PRKCZ: variants seen among roughly 807,000 people sequenced by gnomAD.
The protein encoded by PRKCZ is protein kinase C zeta, also known as protein kinase C zeta type.
Under a neutral mutation model 79.5 loss-of-function variants are expected in PRKCZ, and 33 were observed. The observed-to-expected ratio is 0.41, with a 90% CI of 0.31 to 0.55. The LOEUF (loss-of-function observed/expected upper bound fraction) is 0.55, where lower values mean the gene tolerates loss of function less well. PRKCZ is among the 20% of genes least tolerant of loss of function. The pLI is 0.19. For missense variants in PRKCZ, 578 were observed against 813.5 expected, an observed-to-expected ratio of 0.71 and a Z score of 3.52; for synonymous variants, 342 against 320.9, an observed-to-expected ratio of 1.07 and a Z score of -0.70.
At chr1:2,053,709 G>T (rs765770488) in intron 1 of PRKCZ, among the ~76,000 whole-genome samples, 6 of 152,162 alleles carry the variant, frequency 3.9e-5, no homozygotes, top group Admixed American at 3.9e-4. Context: ...GGCAGGAAGA[G>T]GTCAAAGGTG....
chr1:2,135,059 G>C, intron 4 of PRKCZ: 1 of 482,808 alleles, frequency 2.1e-6, no homozygotes, highest in South Asian at 2.4e-5. Context: ...GTCTCCAGCC[G>C]CCGAGGCCGT....
At chr1:2,164,304 C>T (rs1245865280) in intron 10 of PRKCZ, among the ~76,000 whole-genome samples, 1 of 152,070 alleles carries the variant, frequency 6.6e-6, no homozygotes, top group Non-Finnish European at 1.5e-5. Context: ...AGACAGGGAC[C>T]CTTTATTGGG....
intron 4 of PRKCZ, among the ~76,000 whole-genome samples, chr1:2,093,065 CA>C (rs112019100): frequency 0.037 from 5,641 of 152,306 alleles, 348 homozygotes; most frequent in African/African-American, 0.12. Flanking sequence ...ACAGAGATGC[CA>C]ATGTGATGGG....
chr1:2,185,248 G>A lies in PRKCZ; in HGVS notation c.*239G>A, dbSNP rs374934151. ...CTTGCTGCTGTGCCTGCGTCGCGGCGGATCCGCGGGGACCCTGCCGAGGGG... is the reference window on the plus strand; with the variant it reads ...CTTGCTGCTGTGCCTGCGTCGCGGCAGATCCGCGGGGACCCTGCCGAGGGG... On this transcript the variant is annotated 3_prime_UTR_variant, in exon 18 of 18. Coordinates refer to ENST00000378567, the MANE Select transcript of PRKCZ (RefSeq NM_002744.6). The A allele has an allele frequency of 1.1e-5, 8 of 711,824 alleles. No individual in the cohort carries two copies. The highest frequency in any genetic ancestry group is 3.5e-5 in the African/African-American group (2 of 57,232). 44.1% of individuals were successfully genotyped at this position (711,824 alleles called of 1,614,324 possible).
At chr1:2,105,852 G>T (rs1490118398) in intron 4 of PRKCZ, among the ~76,000 whole-genome samples, 1 of 152,222 alleles carries the variant, frequency 6.6e-6, no homozygotes, top group African/African-American at 2.4e-5. Context: ...ACACATAGTT[G>T]TCATCGTCGG....
intron 4 of PRKCZ, 98 bp downstream of exon 4, chr1:2,059,689 T>G (rs1356849571): frequency 6.7e-7 from 1 of 1,491,964 alleles, no homozygotes; most frequent in Non-Finnish European, 9.3e-7. Context: ...TTTTCGGAGG[T>G]TCACCCTCGT....
intron 4 of PRKCZ, among the ~76,000 whole-genome samples, chr1:2,120,884 G>T (rs1339207645): frequency 2.8e-5 from 4 of 145,130 alleles, no homozygotes; most frequent in African/African-American, 1.0e-4. Context: ...CACGCTCTCG[G>T]CTCACTGCAA....
chr1:2,121,465 C>G (rs1442663036), intron 4 of PRKCZ, among the ~76,000 whole-genome samples: 1 of 66,652 alleles, frequency 1.5e-5, no homozygotes, highest in Non-Finnish European at 3.0e-5. Context: ...TAGTTAGAGT[C>G]ATGGCGGTAG....
At chr1:2,120,958 G>T (rs1010329462) in intron 4 of PRKCZ, among the ~76,000 whole-genome samples, 1 of 151,364 alleles carries the variant, frequency 6.6e-6, no homozygotes, top group Non-Finnish European at 1.5e-5. Context: ...GGATTACAGG[G>T]TCACACTACC....
intron 4 of PRKCZ, among the ~76,000 whole-genome samples, chr1:2,069,184 C>T (rs1294770415): frequency 6.6e-6 from 1 of 152,230 alleles, no homozygotes; most frequent in Non-Finnish European, 1.5e-5. Flanking sequence ...GGAGAGCCCT[C>T]CCCTGCATCC....
rs557577394 is a variant in PRKCZ, at chr1:2,102,313, C to T, written c.335-32949C>T. ...GAAGCCTAGTACACGTTTTTTATTG[C>T]GTTTTTTTTTTTGTTTGTTTTGTTT... On this transcript the variant is annotated intron_variant, in intron 4 of 17. Transcript: ENST00000378567. 2.3e-3 allele frequency among the ~76,000 whole-genome samples: 262 copies of T among 112,744 alleles called. 1 individual carries two copies. The highest frequency in any genetic ancestry group is 0.011 in the African/African-American group (249 of 22,324). The allele number at this position is 112,744 out of a possible 152,430, so 74.0% of individuals were successfully genotyped here.
chr1:2,141,833 G>C, intron 5 of PRKCZ: 1 of 227,104 alleles, frequency 4.4e-6, no homozygotes, highest in Non-Finnish European at 9.1e-6. Flanking sequence ...TCTGCGCTGT[G>C]GACGCGGAGG....
chr1:2,070,546 A>G (rs973249674), intron 4 of PRKCZ, among the ~76,000 whole-genome samples: 3 of 152,120 alleles, frequency 2.0e-5, no homozygotes, highest in Admixed American at 2.0e-4. Context: ...ATGGCCAGGG[A>G]TGTTAATAGC....
At chr1:2,048,550 G>A (rs936042057), upstream of PRKCZ, among the ~76,000 whole-genome samples, 11 of 152,042 alleles carry the variant, frequency 7.2e-5, no homozygotes, top group Admixed American at 1.3e-4. Flanking sequence ...CCTCGAGGCC[G>A]GGGCAGAGGA....
In PRKCZ at chr1:2,082,426, G is replaced by A. The variant is rs1191785058; in HGVS notation, c.334+22835G>A. The A allele has an allele frequency of 4.4e-6, 2 of 456,210 alleles. No homozygotes were observed. The highest frequency in any genetic ancestry group is 2.0e-5 in the African/African-American group (1 of 50,106). 28.3% of individuals were successfully genotyped at this position (456,210 alleles called of 1,614,324 possible). The stretch of plus-strand genomic sequence containing the variant: ...ATTTATTTATCTTGGCCAGCAGAGA[G>A]AATTGAGTTTGCATGGAGACTGTAA... On this transcript the variant is annotated intron_variant, in intron 4 of 17. Coordinates refer to ENST00000378567, the MANE Select transcript of PRKCZ (RefSeq NM_002744.6). The surrounding 1 kb of genome is among the most constrained non-coding windows in gnomAD (Gnocchi z 4.4).
chr1:2,078,743 G>T (rs1662904390), intron 4 of PRKCZ, among the ~76,000 whole-genome samples: 1 of 152,034 alleles, frequency 6.6e-6, no homozygotes, highest in Non-Finnish European at 1.5e-5. Context: ...TTATATGCTA[G>T]GAGACATCTT....
chr1:2,056,328 G>A (rs1027292134), intron 2 of PRKCZ, among the ~76,000 whole-genome samples, 156 bp from the exon 3 acceptor site: 6 of 152,186 alleles, frequency 3.9e-5, no homozygotes, highest in Admixed American at 1.3e-4. Flanking sequence ...GTGGACGGCC[G>A]TCCTTGGACC....
chr1:2,174,907 G>A lies in PRKCZ; in HGVS notation c.1485+74G>A. The A allele has an allele frequency of 6.7e-7, 1 of 1,484,572 alleles. No homozygotes were observed. 92.0% of individuals were successfully genotyped at this position (1,484,572 alleles called of 1,614,324 possible). A position where few individuals can be genotyped will look rare whatever the true frequency, so the allele number is the denominator to read the frequency against. Reference sequence around the variant, plus strand: ...GGTGGGCAGAGGGCCAGGCACGGCTGTTGGCCATTTTTTCATGTCGGCTGC... The same window carrying A: ...GGTGGGCAGAGGGCCAGGCACGGCTATTGGCCATTTTTTCATGTCGGCTGC... On this transcript the variant is annotated intron_variant, in intron 15 of 17. Transcript: ENST00000378567. This position sits in a 1 kb window ranked among gnomAD's most constrained non-coding sequence, Gnocchi z 6.2.
chr1:2,067,297 G>A (rs1661203925), intron 4 of PRKCZ, among the ~76,000 whole-genome samples: 1 of 152,186 alleles, frequency 6.6e-6, no homozygotes. Flanking sequence ...TGTTGTTCAA[G>A]TTCTCTGTTT....
Sources: gnomAD v4.1 joint callset for allele counts (sites outside exome capture counted in the v4.1 genomes callset) on GRCh38, gnomAD v4.1.1 for gene constraint, Gnocchi (gnomAD v3.1) non-coding constraint, MANE v1.5 for transcripts, NCBI Gene and HGNC (gene_info 2026-07-23, HGNC 2026-07-21) for gene names.